RUBCN: variants seen among roughly 807,000 people sequenced by gnomAD.
RUBCN encodes the protein run domain Beclin-1-interacting and cysteine-rich domain-containing protein.
In RUBCN, 74 loss-of-function variants were observed where a neutral mutation model predicts 113.2. That is an observed-to-expected ratio of 0.65 (90% CI 0.54 to 0.79). RUBCN has a LOEUF of 0.79. RUBCN is among the 30% of genes least tolerant of loss of function. RUBCN has a pLI of 0.00. For synonymous variants in RUBCN, 480 were observed against 490.0 expected, an observed-to-expected ratio of 0.98 and a Z score of 0.27; for missense variants, 1,109 against 1,251.7, an observed-to-expected ratio of 0.89 and a Z score of 1.72.
At position 197,682,508 on chromosome 3, in the gene RUBCN, G is replaced by A; in HGVS notation, c.2088C>T (p.Pro696=). ...GAACATTAAAAATTATCTGAGGCCG[G>A]GGCGGGGCCCACTCCAAGTTGCCAC... ...RVRGNLEWAP[P]RPQIIFNVHP... is the part of the protein sequence containing the mutation. The change falls in exon 14 of 20, where the codon CCC becomes CCT. Residue 696 remains proline (P), a synonymous_variant. Coordinates refer to ENST00000296343, the MANE Select transcript of RUBCN (RefSeq NM_014687.4). The A allele has an allele frequency of 1.9e-6, 3 of 1,614,188 alleles. No individual in the cohort carries two copies. The highest frequency in any genetic ancestry group is 2.2e-5 in the East Asian group (1 of 44,874).
intron 2 of RUBCN, 102 bp from the exon 3 acceptor site, chr3:197,705,277 T>C (rs1282015467): frequency 9.8e-7 from 1 of 1,020,520 alleles, no homozygotes; most frequent in Non-Finnish European, 1.5e-6. Flanking sequence ...CAACCTTCCC[T>C]TGCCTCATCA....
At chr3:197,734,558 C>T (rs1382042589) in intron 1 of RUBCN, among the ~76,000 whole-genome samples, 7 of 152,226 alleles carry the variant, frequency 4.6e-5, no homozygotes, top group East Asian at 1.9e-4. Context: ...ACAGTAGTAC[C>T]GACCACATAC....
upstream of RUBCN, among the ~76,000 whole-genome samples, chr3:197,739,447 A>G (rs1728419337): frequency 6.7e-6 from 1 of 149,848 alleles, no homozygotes; most frequent in Non-Finnish European, 1.5e-5. Flanking sequence ...TAATCCCAGC[A>G]CTTTGGGAGG....
At chr3:197,709,357 C>T (rs1211207439) in intron 2 of RUBCN, among the ~76,000 whole-genome samples, 3 of 152,030 alleles carry the variant, frequency 2.0e-5, no homozygotes, top group African/African-American at 4.8e-5. Context: ...AGGAACTACC[C>T]GCTACCATAA....
intron 4 of RUBCN, among the ~76,000 whole-genome samples, chr3:197,704,009 G>A (rs1724001824): frequency 6.6e-6 from 1 of 152,212 alleles, no homozygotes. Context: ...GTAAATGGTG[G>A]CTATTCTTAC....
At chr3:197,735,241 T>C (rs527341809) in intron 1 of RUBCN, among the ~76,000 whole-genome samples, 3 of 152,122 alleles carry the variant, frequency 2.0e-5, no homozygotes, top group African/African-American at 4.8e-5. Context: ...TACAAAAAAG[T>C]TTTTTAAAGT....
At chr3:197,685,694 G>A (rs933449425) in intron 11 of RUBCN, among the ~76,000 whole-genome samples, 8 of 152,134 alleles carry the variant, frequency 5.3e-5, no homozygotes, top group African/African-American at 1.4e-4. Context: ...ATTTTTGCTC[G>A]TAATTAGCAT....
rs1177535036 is a variant in RUBCN, at chr3:197,683,162, T to C, written c.1980+145A>G. Reference sequence around the variant, plus strand: ...GAGCAAGCATTCACTCGTTCATTTATCACTTGACACATTGTAATGAATGGC... The same window carrying C: ...GAGCAAGCATTCACTCGTTCATTTACCACTTGACACATTGTAATGAATGGC... On this transcript the variant is annotated intron_variant, in intron 13 of 19. Coordinates refer to ENST00000296343, the MANE Select transcript of RUBCN (RefSeq NM_014687.4). This position sits in a 1 kb window ranked among gnomAD's most constrained non-coding sequence, Gnocchi z 4.6. The C allele has an allele frequency of 9.5e-7, 1 of 1,052,812 alleles. No homozygotes were observed. The highest frequency in any genetic ancestry group is 1.6e-5 in the African/African-American group (1 of 63,888). 65.2% of individuals were successfully genotyped at this position (1,052,812 alleles called of 1,614,324 possible). A position where few individuals can be genotyped will look rare whatever the true frequency, so the allele number is the denominator to read the frequency against.
Position 197,683,263 on chromosome 3 carries a change from G to C in RUBCN, c.1980+44C>G, listed in dbSNP as rs1209226224. 1 of 1,613,498 alleles carries C rather than the reference G, an allele frequency of 6.2e-7. No homozygotes were observed. Among genetic ancestry groups the C allele is most frequent in the African/African-American group, 1.3e-5 (1 of 74,916 alleles). ...TGACGAAGGAAAACAAGGTCACAGA[G>C]GCTCACGATGGCCCCTGGGTAGGAA... is the stretch of plus-strand genomic sequence containing the variant. On this transcript the variant is annotated intron_variant, in intron 13 of 19. Coordinates refer to ENST00000296343, the MANE Select transcript of RUBCN (RefSeq NM_014687.4). The surrounding 1 kb of genome is among the most constrained non-coding windows in gnomAD (Gnocchi z 4.6).
rs1721254871 is a variant in RUBCN, at chr3:197,681,666, C to A, written c.2191+169G>T. Among the ~76,000 whole-genome samples, 2 of 152,220 alleles carry A rather than the reference C, an allele frequency of 1.3e-5. No individual in the cohort carries two copies. Among genetic ancestry groups the A allele is most frequent in the Admixed American group, 1.3e-4 (2 of 15,286 alleles). Reference sequence around the variant, plus strand: ...ATCCTGGCCATGTGCTCCCAGAAATCATTTCCCTCCGATTGCCAGCACTCT... The same window carrying A: ...ATCCTGGCCATGTGCTCCCAGAAATAATTTCCCTCCGATTGCCAGCACTCT... On this transcript the variant is annotated intron_variant, in intron 15 of 19. Transcript: ENST00000296343. This position sits in a 1 kb window ranked among gnomAD's most constrained non-coding sequence, Gnocchi z 5.5.
chr3:197,679,214 C>T (rs1450901174), intron 16 of RUBCN, among the ~76,000 whole-genome samples: 2 of 151,410 alleles, frequency 1.3e-5, no homozygotes, highest in African/African-American at 4.9e-5. Flanking sequence ...TCAGACTGTC[C>T]TACGCTCTAA....
chr3:197,701,964 T>G (rs1426386111), intron 5 of RUBCN, 100 bp from the exon 6 acceptor site: 1 of 1,087,760 alleles, frequency 9.2e-7, no homozygotes, highest in Non-Finnish European at 1.4e-6. Context: ...AGAAGCTACC[T>G]TTGCAGTAGG....
At chr3:197,730,506 G>A (rs1213830337) in intron 1 of RUBCN, among the ~76,000 whole-genome samples, 1 of 151,904 alleles carries the variant, frequency 6.6e-6, no homozygotes, top group African/African-American at 2.4e-5. Flanking sequence ...CCCAGAGACA[G>A]AGACAAATTC....
At chr3:197,747,448 T>C (rs766925900) in intron 1 of RUBCN, among the ~76,000 whole-genome samples, 7 of 151,878 alleles carry the variant, frequency 4.6e-5, no homozygotes, top group Non-Finnish European at 1.0e-4. Flanking sequence ...CTCGTACTCC[T>C]GGGCTCAAGT....
Position 197,681,813 on chromosome 3 carries a change from G to A in RUBCN, c.2191+22C>T, listed in dbSNP as rs1268513567. 6.2e-7 allele frequency: 1 copy of A among 1,608,706 alleles called. No individual in the cohort carries two copies. Among genetic ancestry groups the A allele is most frequent in the African/African-American group, 1.3e-5 (1 of 74,778 alleles). ...GGTACAGAGCCTCTGGAGGCAGCAT[G>A]GTGGGAAGGGAAGGCACTCACCAGG... On this transcript the variant is annotated intron_variant, in intron 15 of 19. Coordinates refer to ENST00000296343, the MANE Select transcript of RUBCN (RefSeq NM_014687.4). The surrounding 1 kb of genome is among the most constrained non-coding windows in gnomAD (Gnocchi z 5.5).
Position 197,703,469 on chromosome 3 carries a change from A to G in RUBCN, c.570+79T>C, listed in dbSNP as rs547959719. 1.2e-4 allele frequency: 104 copies of G among 846,532 alleles called. No individual in the cohort carries two copies. The African/African-American group carries it at 1.7e-3, about 14-fold the overall frequency. 52.4% of individuals were successfully genotyped at this position (846,532 alleles called of 1,614,324 possible). A position where few individuals can be genotyped will look rare whatever the true frequency, so the allele number is the denominator to read the frequency against. ...CAGCTCACAAAAATGGCTAAGTGAAAAAGTTTGCTGTAGAGGGCTACATCC... is the reference window on the plus strand; with the variant it reads ...CAGCTCACAAAAATGGCTAAGTGAAGAAGTTTGCTGTAGAGGGCTACATCC... On this transcript the variant is annotated intron_variant, in intron 5 of 19. Coordinates refer to ENST00000296343, the MANE Select transcript of RUBCN (RefSeq NM_014687.4).
chr3:197,675,731 G>A lies in RUBCN; in HGVS notation c.2647-216C>T, dbSNP rs1280066949. ...GAAGATCAGACAGGCACCAGCCGGAGAAGCTCCGACCCCCAGCGCGGCTCT... is the reference window on the plus strand; with the variant it reads ...GAAGATCAGACAGGCACCAGCCGGAAAAGCTCCGACCCCCAGCGCGGCTCT... On this transcript the variant is annotated intron_variant, in intron 18 of 19. Coordinates refer to ENST00000296343, the MANE Select transcript of RUBCN (RefSeq NM_014687.4). The surrounding 1 kb of genome is among the most constrained non-coding windows in gnomAD (Gnocchi z 4.4). 6.7e-6 allele frequency among the ~76,000 whole-genome samples: 1 copy of A among 150,368 alleles called. No homozygotes were observed. Among genetic ancestry groups the A allele is most frequent in the Non-Finnish European group, 1.5e-5 (1 of 67,320 alleles).
At position 197,671,266 on chromosome 3, in the gene RUBCN, G is replaced by A. The variant is rs1013958168; in HGVS notation, c.*3752C>T. 5 of 152,132 alleles carry A rather than the reference G, an allele frequency of 3.3e-5. No homozygotes were observed. The highest frequency in any genetic ancestry group is 1.2e-4 in the African/African-American group (5 of 41,424). The allele number at this position is 152,132 out of a possible 1,614,324, so 9.4% of individuals were successfully genotyped here. On this transcript the variant is annotated 3_prime_UTR_variant, in exon 20 of 20. Coordinates refer to ENST00000296343, the MANE Select transcript of RUBCN (RefSeq NM_014687.4). Reference sequence around the variant, plus strand: ...TGACCTCAGGTGATCCCCCTGCCTTGGTCTCTCAAAGTACTGGATGACACT... The same window carrying A: ...TGACCTCAGGTGATCCCCCTGCCTTAGTCTCTCAAAGTACTGGATGACACT...
chr3:197,709,303 C>G (rs574331290), intron 2 of RUBCN, among the ~76,000 whole-genome samples: 7 of 151,988 alleles, frequency 4.6e-5, no homozygotes, highest in Non-Finnish European at 1.0e-4. Context: ...AGGGAAAAAC[C>G]ACCACCATCA....
Sources: allele counts gnomAD v4.1 joint callset (sites outside exome capture counted in the v4.1 genomes callset), GRCh38; gene constraint gnomAD v4.1.1; non-coding constraint Gnocchi (gnomAD v3.1); transcripts MANE v1.5; gene names NCBI Gene and HGNC (gene_info 2026-07-23, HGNC 2026-07-21).